The following SOX6 variants were observed in gnomAD, a reference collection of about 807,000 sequenced individuals.
The protein encoded by SOX6 is SRY-box transcription factor 6, also known as transcription factor SOX-6.
In SOX6, 11 loss-of-function variants were observed where a neutral mutation model predicts 97.8. The ratio of observed to expected loss-of-function variants is 0.11; its 90% CI spans 0.07 to 0.19. The LOEUF is 0.19. Ranked by LOEUF, SOX6 falls within the 10% of genes least tolerant of loss-of-function variation. The pLI, the probability that SOX6 is intolerant of heterozygous loss-of-function variation, is 1.00. For missense variants in SOX6, 810 were observed against 1,039.5 expected (o/e 0.78, Z 3.04); for synonymous variants, 360 against 371.4 (o/e 0.97, Z 0.35).
intron 12 of SOX6, among the ~76,000 whole-genome samples, chr11:16,021,007 C>G (rs891084225): frequency 2.0e-5 from 3 of 151,954 alleles, no homozygotes; most frequent in Non-Finnish European, 4.4e-5. Flanking sequence ...AGAAAAACAC[C>G]TTAAATATTT....
chr11:16,414,092 T>A (rs1418143863), intron 1 of SOX6, among the ~76,000 whole-genome samples: 1 of 152,220 alleles, frequency 6.6e-6, no homozygotes. Context: ...ATGAGCAAAC[T>A]ATTGTGCTAG....
chr11:16,494,540 T>C (rs1042347481), intron 4 of SOX6, among the ~76,000 whole-genome samples: 1 of 152,042 alleles, frequency 6.6e-6, no homozygotes, highest in Non-Finnish European at 1.5e-5. Context: ...ACAAAGAGGC[T>C]TCAAGATTGC....
At chr11:16,297,152 A>G (rs917111823) in intron 3 of SOX6, among the ~76,000 whole-genome samples, 1 of 152,172 alleles carries the variant, frequency 6.6e-6, no homozygotes, top group Non-Finnish European at 1.5e-5. Context: ...AACTAATGTT[A>G]CTTTCATAAA....
At chr11:16,164,518 G>T (rs879310985) in intron 6 of SOX6, among the ~76,000 whole-genome samples, 8 of 152,098 alleles carry the variant, frequency 5.3e-5, no homozygotes, top group Admixed American at 5.2e-4. Flanking sequence ...TGTCTCTCTG[G>T]CTCCTTTGAA....
At chr11:16,406,805 T>C (rs1858695537) in intron 1 of SOX6, among the ~76,000 whole-genome samples, 1 of 152,144 alleles carries the variant, frequency 6.6e-6, no homozygotes, top group Non-Finnish European at 1.5e-5. Flanking sequence ...ACTCCCAAAG[T>C]TCATCAGCAG....
intron 1 of SOX6, among the ~76,000 whole-genome samples, chr11:16,349,802 G>C (rs1565105995): frequency 6.6e-6 from 1 of 151,884 alleles, no homozygotes; most frequent in Non-Finnish European, 1.5e-5. Context: ...ATTTCCTACA[G>C]CTAATGCCTG....
In SOX6 at chr11:16,442,402, C is replaced by A. The variant is rs1590205295; in HGVS notation, c.-5+33913G>T. 3.9e-5 allele frequency among the ~76,000 whole-genome samples: 6 copies of A among 152,220 alleles called. No homozygotes were observed. In the East Asian group the frequency reaches 1.2e-3, roughly 29 times the overall value. On this transcript the variant is annotated intron_variant, in intron 1 of 15. Transcript: ENST00000396356. ...AATGAAACCTGCCTCTGGAATAAAG[C>A]CTTAAAAGTATATATCACAAGTAAC...
intron 4 of SOX6, among the ~76,000 whole-genome samples, chr11:16,499,926 T>C (rs986405958): frequency 2.6e-5 from 4 of 151,996 alleles, no homozygotes; most frequent in African/African-American, 7.3e-5. Context: ...TTCCAATCAA[T>C]AGAAAAAGAG....
At chr11:16,615,966 A>G (rs1848466717) in intron 3 of SOX6, among the ~76,000 whole-genome samples, 1 of 152,190 alleles carries the variant, frequency 6.6e-6, no homozygotes, top group Non-Finnish European at 1.5e-5. Context: ...GTTATAGGAT[A>G]ATAACCACAG....
chr11:15,999,378 G>GT (rs1200692356), intron 13 of SOX6, among the ~76,000 whole-genome samples: 1 of 152,014 alleles, frequency 6.6e-6, no homozygotes, highest in African/African-American at 2.4e-5. Flanking sequence ...TAAAGCTTCT[G>GT]TCAAAAACAG....
intron 10 of SOX6, among the ~76,000 whole-genome samples, chr11:16,054,300 CAA>C (rs1248432228): frequency 6.6e-6 from 1 of 151,476 alleles, no homozygotes; most frequent in Non-Finnish European, 1.5e-5. Context: ...TACGAGTAAG[CAA>C]AGTGTCTTTG....
At chr11:16,378,938 A>AT (rs984892156) in intron 1 of SOX6, among the ~76,000 whole-genome samples, 8 of 151,816 alleles carry the variant, frequency 5.3e-5, no homozygotes, top group African/African-American at 1.9e-4. Context: ...TATTCTAAAT[A>AT]TTTTTTATAT....
At chr11:16,090,235 G>T (rs1022136148) in intron 9 of SOX6, among the ~76,000 whole-genome samples, 6 of 151,986 alleles carry the variant, frequency 3.9e-5, no homozygotes, top group Admixed American at 3.9e-4. Flanking sequence ...AGAGATAGAG[G>T]ACTACATTGG....
chr11:15,980,571 C>T (rs1205198684), intron 15 of SOX6, among the ~76,000 whole-genome samples: 3 of 152,024 alleles, frequency 2.0e-5, no homozygotes, highest in Non-Finnish European at 2.9e-5. Flanking sequence ...AATCTTCCTC[C>T]ACCCTACCCA....
intron 4 of SOX6, among the ~76,000 whole-genome samples, chr11:16,209,540 G>A (rs902606626): frequency 3.9e-5 from 6 of 152,176 alleles, no homozygotes; most frequent in African/African-American, 1.2e-4. Flanking sequence ...AGGATCACTT[G>A]AGTGCAGGAG....
intron 3 of SOX6, among the ~76,000 whole-genome samples, chr11:16,255,872 A>G (rs911028571): frequency 2.6e-5 from 4 of 151,692 alleles, no homozygotes; most frequent in African/African-American, 9.7e-5. Flanking sequence ...GCAAATTGGT[A>G]ATATCAGAAA....
chr11:16,165,849 G>C (rs1400245551), intron 6 of SOX6, among the ~76,000 whole-genome samples: 1 of 151,034 alleles, frequency 6.6e-6, no homozygotes, highest in Admixed American at 6.6e-5. Flanking sequence ...AGTGAGCCAA[G>C]ATGGCGCCAC....
At chr11:16,041,723 A>G (rs1254925351) in intron 12 of SOX6, among the ~76,000 whole-genome samples, 1 of 152,186 alleles carries the variant, frequency 6.6e-6, no homozygotes, top group Non-Finnish European at 1.5e-5. Flanking sequence ...CTAGCACACT[A>G]ACATAATCAA....
At chr11:16,150,532 T>C (rs1331408886) in intron 6 of SOX6, among the ~76,000 whole-genome samples, 2 of 152,128 alleles carry the variant, frequency 1.3e-5, no homozygotes, top group Non-Finnish European at 2.9e-5. Context: ...TATAAACAAA[T>C]GAAACTCACA....
Sources: gnomAD v4.1 joint callset for allele counts (sites outside exome capture counted in the v4.1 genomes callset) on GRCh38, gnomAD v4.1.1 for gene constraint, MANE v1.5 for transcripts, NCBI Gene and HGNC (gene_info 2026-07-23, HGNC 2026-07-21) for gene names.